PID1: variants seen among roughly 807,000 people sequenced by gnomAD.
PID1 encodes phosphotyrosine interaction domain containing 1, also known as PTB-containing, cubilin and LRP1-interacting protein.
In PID1, 10 loss-of-function variants were observed where a neutral mutation model predicts 19.1. The ratio of observed to expected loss-of-function variants is 0.52; its 90% CI spans 0.32 to 0.89. The LOEUF (loss-of-function observed/expected upper bound fraction) is 0.89. Ranked by LOEUF, PID1 falls within the 40% of genes least tolerant of loss-of-function variation. PID1 has a pLI of 0.03. For missense variants in PID1, 248 were observed against 285.3 expected, an observed-to-expected ratio of 0.87 and a Z score of 0.94; for synonymous variants, 130 against 116.0, an observed-to-expected ratio of 1.12 and a Z score of -0.78.
intron 2 of PID1, among the ~76,000 whole-genome samples, chr2:229,115,402 G>GGA: frequency 1.7e-5 from 2 of 120,612 alleles, no homozygotes; most frequent in Middle Eastern, 4.5e-3. Context: ...CTACTCTGGA[G>GGA]AAAAAAAAAA....
At chr2:229,066,961 T>G (rs1694339969) in intron 2 of PID1, among the ~76,000 whole-genome samples, 2 of 152,138 alleles carry the variant, frequency 1.3e-5, no homozygotes, top group Non-Finnish European at 1.5e-5. Context: ...TCTTAGACTG[T>G]TCTCACACTG....
chr2:229,210,133 T>C (rs1247152886), intron 1 of PID1, among the ~76,000 whole-genome samples: 2 of 148,960 alleles, frequency 1.3e-5, no homozygotes, highest in Non-Finnish European at 3.0e-5. Context: ...AGCGACTACT[T>C]GAACTTAAAA....
intron 1 of PID1, among the ~76,000 whole-genome samples, chr2:229,214,126 T>C (rs569215567): frequency 6.6e-6 from 1 of 152,320 alleles, no homozygotes; most frequent in South Asian, 2.1e-4. Flanking sequence ...TAAGTAGTGT[T>C]TGTTAGGTAG....
intron 1 of PID1, among the ~76,000 whole-genome samples, chr2:229,199,741 T>TAC (rs1559281778): frequency 7.5e-5 from 10 of 134,116 alleles, no homozygotes; most frequent in African/African-American, 2.2e-4. Context: ...TATATATATA[T>TAC]ATATACACAT....
chr2:229,135,794 A>G (rs545562932), intron 2 of PID1, among the ~76,000 whole-genome samples: 21 of 152,314 alleles, frequency 1.4e-4, no homozygotes, highest in African/African-American at 4.8e-4. Flanking sequence ...CATGTTTAAG[A>G]GGGGAGAAGA....
chr2:229,220,336 C>T (rs1691939671), intron 1 of PID1, among the ~76,000 whole-genome samples: 1 of 152,184 alleles, frequency 6.6e-6, no homozygotes, highest in South Asian at 2.1e-4. Flanking sequence ...GAGAGAGCCC[C>T]AGATGGAGGG....
intron 2 of PID1, among the ~76,000 whole-genome samples, chr2:229,148,106 T>C (rs569160667): frequency 9.9e-4 from 151 of 152,258 alleles, no homozygotes; most frequent in Non-Finnish European, 1.9e-3. Flanking sequence ...GAAACACCTG[T>C]ATCAGCTGGG....
At chr2:229,059,824 G>C (rs1457674453) in intron 2 of PID1, among the ~76,000 whole-genome samples, 3 of 152,110 alleles carry the variant, frequency 2.0e-5, no homozygotes, top group Non-Finnish European at 2.9e-5. Flanking sequence ...ACAGAGCACA[G>C]ACCATGTGCC....
At chr2:229,160,227 G>A (rs537246849) in intron 1 of PID1, among the ~76,000 whole-genome samples, 10 of 152,300 alleles carry the variant, frequency 6.6e-5, no homozygotes, top group Admixed American at 2.0e-4. Context: ...CTTCCCATCC[G>A]TGTTGTAAAC....
At chr2:229,129,000 C>T (rs1000928162) in intron 2 of PID1, among the ~76,000 whole-genome samples, 2 of 152,016 alleles carry the variant, frequency 1.3e-5, no homozygotes, top group Non-Finnish European at 2.9e-5. Context: ...ATCTCATGTA[C>T]CCCATACATA....
intron 2 of PID1, among the ~76,000 whole-genome samples, chr2:229,046,136 G>A (rs1447668988): frequency 6.6e-6 from 1 of 151,986 alleles, no homozygotes; most frequent in Non-Finnish European, 1.5e-5. Context: ...GAACCATGCT[G>A]CAATAAGGCA....
At chr2:229,223,223 C>A (rs940775162) in intron 1 of PID1, among the ~76,000 whole-genome samples, 7 of 152,036 alleles carry the variant, frequency 4.6e-5, no homozygotes, top group Non-Finnish European at 8.8e-5. Flanking sequence ...CTAGTATTAG[C>A]CTAAAAAACA....
At chr2:229,059,187 G>C (rs760804537) in intron 2 of PID1, among the ~76,000 whole-genome samples, 2 of 152,186 alleles carry the variant, frequency 1.3e-5, no homozygotes, top group African/African-American at 2.4e-5. Context: ...GAATAGAATT[G>C]ATGGAAATGG....
At chr2:229,227,859 A>T in intron 1 of PID1, 1 of 389,514 alleles carries the variant, frequency 2.6e-6, no homozygotes, top group Non-Finnish European at 5.2e-6. Context: ...TTTATATAGC[A>T]TTTACACTAT....
At chr2:229,049,370 T>C (rs1446007751) in intron 2 of PID1, among the ~76,000 whole-genome samples, 1 of 152,218 alleles carries the variant, frequency 6.6e-6, no homozygotes, top group Non-Finnish European at 1.5e-5. Flanking sequence ...GTTTATCTTC[T>C]TTCTAATATT....
intron 1 of PID1, among the ~76,000 whole-genome samples, chr2:229,182,979 T>C (rs1339326469): frequency 1.3e-5 from 2 of 152,228 alleles, no homozygotes; most frequent in African/African-American, 4.8e-5. Context: ...CTTCCCGCTA[T>C]AGGTTGAACT....
intron 2 of PID1, among the ~76,000 whole-genome samples, chr2:229,036,274 G>A (rs1693661157): frequency 6.6e-6 from 1 of 152,090 alleles, no homozygotes; most frequent in Non-Finnish European, 1.5e-5. Context: ...ATCCTTTATG[G>A]TTGCAATGGC....
chr2:229,241,101 C>G (rs1485645266), intron 1 of PID1, among the ~76,000 whole-genome samples: 1 of 152,116 alleles, frequency 6.6e-6, no homozygotes, highest in Non-Finnish European at 1.5e-5. Flanking sequence ...CATTTGTTCA[C>G]TCCTTATGAC....
At chr2:229,095,626 A>T (rs1457432872) in intron 2 of PID1, among the ~76,000 whole-genome samples, 5 of 152,208 alleles carry the variant, frequency 3.3e-5, no homozygotes, top group Admixed American at 3.3e-4. Context: ...TTTTCATATC[A>T]GAAACCATTC....
Sources: gnomAD v4.1 joint callset for allele counts (sites outside exome capture counted in the v4.1 genomes callset) on GRCh38, gnomAD v4.1.1 for gene constraint, MANE v1.5 for transcripts, NCBI Gene and HGNC (gene_info 2026-07-23, HGNC 2026-07-21) for gene names.